The following NCOA3 variants were observed in gnomAD, a reference collection of about 807,000 sequenced individuals.
The protein encoded by NCOA3 is CBP-interacting protein.
A neutral mutation model predicts 158.8 loss-of-function variants in NCOA3; 51 were observed. The observed-to-expected ratio is 0.32, with a 90% CI of 0.26 to 0.41. The LOEUF (loss-of-function observed/expected upper bound fraction) is 0.41, where lower values mean the gene tolerates loss of function less well. Among genes scored for constraint, NCOA3 ranks in the 10% least tolerant of loss-of-function variants. NCOA3 has a pLI of 1.00. For missense variants in NCOA3, 1,510 were observed against 1,746.6 expected, an observed-to-expected ratio of 0.86 and a Z score of 2.41; for synonymous variants, 537 against 592.4, an observed-to-expected ratio of 0.91 and a Z score of 1.36.
intron 12 of NCOA3, 50 bp from the exon 13 acceptor site, chr20:47,637,598 C>G: frequency 6.8e-7 from 1 of 1,462,634 alleles, no homozygotes; most frequent in Non-Finnish European, 9.2e-7. Flanking sequence ...ATGTTTATAC[C>G]TGTGTGTCTG....
intron 1 of NCOA3, among the ~76,000 whole-genome samples, chr20:47,572,384 A>C (rs1159657067): frequency 2.6e-5 from 4 of 152,072 alleles, no homozygotes; most frequent in Non-Finnish European, 4.4e-5. Context: ...AGTCTGGGCC[A>C]TATGAACGAG....
At chr20:47,547,522 C>G (rs950859170) in intron 1 of NCOA3, among the ~76,000 whole-genome samples, 3 of 152,022 alleles carry the variant, frequency 2.0e-5, no homozygotes, top group South Asian at 4.2e-4. Context: ...ACACCATTCT[C>G]CTGCCTCAGC....
chr20:47,618,348 G>GTTTTTTT (rs71183269), intron 2 of NCOA3, among the ~76,000 whole-genome samples: 76 of 101,364 alleles, frequency 7.5e-4, no homozygotes, highest in Non-Finnish European at 9.2e-4. Flanking sequence ...TTTTCCCTTA[G>GTTTTTTT]TTTTTTTTTT....
intron 1 of NCOA3, among the ~76,000 whole-genome samples, chr20:47,547,612 G>T (rs1294304604): frequency 6.6e-6 from 1 of 151,770 alleles, no homozygotes; most frequent in Non-Finnish European, 1.5e-5. Context: ...TAGAGACAGG[G>T]TTTCACCACA....
rs778280251 is a variant in NCOA3, at chr20:47,633,655, G to A, written c.964+19G>A. The stretch of plus-strand genomic sequence containing the variant: ...CAAGAAGGTAAAGAATTTTGGGGTT[G>A]ATTGTTCTTATCATTTTATTCTTTA... On this transcript the variant is annotated intron_variant, in intron 9 of 22. Coordinates refer to ENST00000371998, the MANE Select transcript of NCOA3 (RefSeq NM_181659.3). 1 of 1,604,936 alleles carries A rather than the reference G, an allele frequency of 6.2e-7. No homozygotes were observed. Among genetic ancestry groups the A allele is most frequent in the Non-Finnish European group, 8.5e-7 (1 of 1,177,336 alleles).
At chr20:47,625,060 A>G (rs2086300729) in intron 4 of NCOA3, among the ~76,000 whole-genome samples, 1 of 152,190 alleles carries the variant, frequency 6.6e-6, no homozygotes. Context: ...GGTGTGAGCC[A>G]CCGCGCTGGG....
At chr20:47,628,064 C>G in intron 8 of NCOA3, 41 bp downstream of exon 8, 14 of 1,435,764 alleles carry the variant, frequency 9.8e-6, no homozygotes, top group Non-Finnish European at 1.4e-5. Flanking sequence ...TCTGTGTATA[C>G]GTACATTTTT....
At chr20:47,535,542 T>C (rs1243481233) in intron 1 of NCOA3, among the ~76,000 whole-genome samples, 1 of 150,554 alleles carries the variant, frequency 6.6e-6, no homozygotes, top group Admixed American at 6.6e-5. Flanking sequence ...CGAGTCTCAC[T>C]CTGTTGCCAG....
intron 2 of NCOA3, 60 bp from the exon 3 acceptor site, chr20:47,622,169 T>G (rs2146297494): frequency 1.1e-6 from 1 of 882,204 alleles, no homozygotes; most frequent in South Asian, 1.6e-5. Flanking sequence ...ATATAACACC[T>G]TCATAGAGTC....
intron 5 of NCOA3, 23 bp from the exon 6 acceptor site, chr20:47,626,979 T>A: frequency 6.3e-7 from 1 of 1,591,454 alleles, no homozygotes; most frequent in East Asian, 2.2e-5. Context: ...CATAACAGCC[T>A]GTATTAACAT....
chr20:47,523,379 G>C (rs2084376937), intron 1 of NCOA3, among the ~76,000 whole-genome samples: 1 of 152,162 alleles, frequency 6.6e-6, no homozygotes, highest in South Asian at 2.1e-4. Context: ...GGTCTTCGGA[G>C]GAATGGCTGG....
chr20:47,511,550 T>TATACATACATAC (rs1556556372), intron 1 of NCOA3, among the ~76,000 whole-genome samples: 4 of 52,270 alleles, frequency 7.7e-5, no homozygotes, highest in Non-Finnish European at 1.6e-4. Flanking sequence ...TATATATATA[T>TATACATACATAC]ATATATTTCT....
intron 1 of NCOA3, among the ~76,000 whole-genome samples, chr20:47,544,370 C>G (rs2084794981): frequency 7.4e-6 from 1 of 134,776 alleles, no homozygotes; most frequent in South Asian, 2.3e-4. Flanking sequence ...GTCACCCAGG[C>G]TGGAATGCAG....
chr20:47,535,025 T>C (rs1474893005), intron 1 of NCOA3, among the ~76,000 whole-genome samples: 2 of 152,162 alleles, frequency 1.3e-5, no homozygotes, highest in South Asian at 2.1e-4. Context: ...GCTTGTTTTT[T>C]TTTTTTTCTT....
rs1197779328 is a variant in NCOA3 at position 47,654,631 on chromosome 20, C to T, written c.*1214C>T. ...TTAGATGCCTCGCTCTTTTCAATCT[C>T]TTAATCTAAATGCTTTTTAAAGAGA... On this transcript the variant is annotated 3_prime_UTR_variant, in exon 23 of 23. Transcript: ENST00000371998. The T allele has an allele frequency of 1.3e-5, 2 of 152,438 alleles. No individual in the cohort carries two copies. The highest frequency in any genetic ancestry group is 4.8e-5 in the African/African-American group (2 of 41,356). The allele number at this position is 152,438 out of a possible 1,614,324, so 9.4% of individuals were successfully genotyped here. A position where few individuals can be genotyped will look rare whatever the true frequency, so the allele number is the denominator to read the frequency against.
At chr20:47,576,655 G>A (rs184183603) in intron 1 of NCOA3, among the ~76,000 whole-genome samples, 96 of 152,262 alleles carry the variant, frequency 6.3e-4, no homozygotes, top group Non-Finnish European at 1.0e-3. Flanking sequence ...ATAAGAAAAG[G>A]AAAATGTGCA....
intron 2 of NCOA3, among the ~76,000 whole-genome samples, chr20:47,590,282 G>A (rs541203799): frequency 6.6e-6 from 1 of 152,284 alleles, no homozygotes; most frequent in East Asian, 1.9e-4. Context: ...ATTTGATTAA[G>A]CCTATGCAAA....
At chr20:47,607,251 GAGAAGTTCTGAAAACAGAGT>G (rs1291026786) in intron 2 of NCOA3, among the ~76,000 whole-genome samples, 2 of 152,172 alleles carry the variant, frequency 1.3e-5, no homozygotes, top group East Asian at 3.9e-4. Flanking sequence ...GCAGACACAG[GAGAAGTTCTGAAAACAGAGT>G]AGAAGTTACC....
Position 47,627,165 on chromosome 20 carries a change from C to A in NCOA3, c.521C>A (p.Pro174Gln), listed in dbSNP as rs1321716869. Residue 174 changes from proline to glutamine, a missense_variant, in exon 6 of 23, where the codon CCA becomes CAA. Around this residue, in one of 4 missense-constraint regions of NCOA3, gnomAD observed 309 missense variants for 427.1 expected, o/e 0.72. Coordinates refer to ENST00000371998, the MANE Select transcript of NCOA3 (RefSeq NM_181659.3). ...EDRKDFLKNL[P>Q]KSTVNGVSWT... ...AGAAAGGATTTTCTTAAGAATTTAC[C>A]AAAATCTACAGGTAGGCTTTTAATG... The A allele has an allele frequency of 6.3e-7, 1 of 1,599,300 alleles. No individual in the cohort carries two copies. Among genetic ancestry groups the A allele is most frequent in the Non-Finnish European group, 8.5e-7 (1 of 1,172,780 alleles).
Sources: allele counts gnomAD v4.1 joint callset (sites outside exome capture counted in the v4.1 genomes callset), GRCh38; gene constraint gnomAD v4.1.1; regional missense constraint gnomAD v4.1.1; transcripts MANE v1.5; gene names NCBI Gene and HGNC (gene_info 2026-07-23, HGNC 2026-07-21).